The following ANKRD30A variants were observed in gnomAD, a reference collection of about 807,000 sequenced individuals.
The protein encoded by ANKRD30A is ankyrin repeat domain-containing protein 30A.
ANKRD30A carries 170 observed loss-of-function variants against 166.3 expected under a neutral mutation model. The observed-to-expected ratio is 1.02, with a 90% CI of 0.90 to 1.16. ANKRD30A has a LOEUF of 1.16. Ranked by LOEUF, ANKRD30A falls within the 50% of genes most tolerant of loss-of-function variation. The pLI is 0.00. For missense variants in ANKRD30A, 1,630 were observed against 1,518.0 expected (o/e 1.07, Z -1.23); for synonymous variants, 564 against 508.9 (o/e 1.11, Z -1.46).
chr10:37,190,772 C>A (rs1167453154), intron 25 of ANKRD30A, among the ~76,000 whole-genome samples: 1 of 151,586 alleles, frequency 6.6e-6, no homozygotes, highest in Non-Finnish European at 1.5e-5. Context: ...TTGGACTAAA[C>A]CTCAGTGACT....
Position 37,196,093 on chromosome 10 carries a change from A to ATTTTTTTTTTT in ANKRD30A, c.2615-1179_2615-1169dup, listed in dbSNP as rs749036981. 9.3e-5 allele frequency among the ~76,000 whole-genome samples: 12 copies of ATTTTTTTTTTT among 129,448 alleles called. 1 individual carries two copies. Among genetic ancestry groups the ATTTTTTTTTTT allele is most frequent in the Non-Finnish European group, 1.4e-4 (9 of 62,500 alleles). The allele number at this position is 129,448 out of a possible 152,430, so 84.9% of individuals were successfully genotyped here. On this transcript the variant is annotated intron_variant, in intron 27 of 35. Coordinates refer to ENST00000361713, the MANE Select transcript of ANKRD30A (RefSeq NM_052997.3). Reference sequence around the variant, plus strand: ...AGTTAGAGGTTTTTTTATATTTTCTATTTTTTTTTTTTTTTTTTTGTAGTA... The same window carrying ATTTTTTTTTTT: ...AGTTAGAGGTTTTTTTATATTTTCTATTTTTTTTTTTTTTTTTTTTTTTTTTTTTTGTAGTA...
At chr10:37,233,737 C>A (rs1843549587), downstream of ANKRD30A, among the ~76,000 whole-genome samples, 1 of 152,022 alleles carries the variant, frequency 6.6e-6, no homozygotes, top group Non-Finnish European at 1.5e-5. Context: ...AAAGAAGATG[C>A]CTACTAGAGT....
At chr10:37,137,223 A>C (rs190410222) in intron 6 of ANKRD30A, among the ~76,000 whole-genome samples, 118 of 152,324 alleles carry the variant, frequency 7.7e-4, no homozygotes, top group Non-Finnish European at 2.5e-4. Context: ...CTAATCATGA[A>C]AAGTAGGAAT....
downstream of ANKRD30A, among the ~76,000 whole-genome samples, chr10:37,234,877 GTTGTGCCACATGGTGGAACT>G (rs1317351138): frequency 2.0e-5 from 3 of 152,028 alleles, no homozygotes; most frequent in Non-Finnish European, 4.4e-5. Flanking sequence ...ATGGTGGAAA[GTTGTGCCACATGGTGGAACT>G]TTGTGTCACA....
intron 29 of ANKRD30A, 116 bp from the exon 30 acceptor site, chr10:37,199,611 T>G (rs1363446087): frequency 5.4e-6 from 3 of 559,908 alleles, no homozygotes; most frequent in African/African-American, 2.0e-5. Context: ...AAAAAGAATA[T>G]ACGGGCTACA....
chr10:37,221,102 C>G (rs1148260), intron 34 of ANKRD30A, among the ~76,000 whole-genome samples: 109,693 of 147,718 alleles, frequency 0.74, 41,239 homozygotes, highest in South Asian at 0.89. Flanking sequence ...GATTCATTAG[C>G]GGACAAATGA....
intron 31 of ANKRD30A, among the ~76,000 whole-genome samples, chr10:37,207,702 A>C (rs1402920572): frequency 6.6e-6 from 1 of 151,930 alleles, no homozygotes; most frequent in Non-Finnish European, 1.5e-5. Flanking sequence ...CATTAGAAAG[A>C]GACTATATCA....
the ANKRD30A span, among the ~76,000 whole-genome samples, chr10:37,244,305 A>G: frequency 1.3e-5 from 2 of 152,180 alleles, no homozygotes; most frequent in African/African-American, 4.8e-5. Context: ...GGTCACTCAC[A>G]CACACATCCA....
At chr10:37,156,364 A>G (rs1838381883) in intron 13 of ANKRD30A, among the ~76,000 whole-genome samples, 1 of 151,974 alleles carries the variant, frequency 6.6e-6, no homozygotes, top group African/African-American at 2.4e-5. Context: ...GTACCCCTTT[A>G]TAAAAATAAA....
the ANKRD30A span, among the ~76,000 whole-genome samples, chr10:37,240,585 C>A: frequency 2.0e-5 from 3 of 152,082 alleles, no homozygotes. Context: ...ACTAGTACTC[C>A]ACCTCTTTGC....
intron 4 of ANKRD30A, 74 bp from the exon 5 acceptor site, chr10:37,133,842 T>A (rs1836516904): frequency 6.5e-7 from 1 of 1,527,560 alleles, no homozygotes; most frequent in African/African-American, 1.4e-5. Context: ...ATGTAAATGG[T>A]TAATTCTACA....
chr10:37,206,100 G>A (rs1841974146), intron 31 of ANKRD30A, among the ~76,000 whole-genome samples: 1 of 152,112 alleles, frequency 6.6e-6, no homozygotes, highest in Admixed American at 6.6e-5. Context: ...AAACTGGTAG[G>A]AAAATTTATT....
intron 5 of ANKRD30A, among the ~76,000 whole-genome samples, chr10:37,134,421 G>A (rs571199232): frequency 6.6e-6 from 1 of 152,204 alleles, no homozygotes; most frequent in South Asian, 2.1e-4. Flanking sequence ...AGGATTGGGG[G>A]CAGAAATCAC....
chr10:37,159,095 A>G (rs754717474), intron 15 of ANKRD30A, among the ~76,000 whole-genome samples: 9 of 152,192 alleles, frequency 5.9e-5, no homozygotes, highest in Non-Finnish European at 1.2e-4. Context: ...TTTGCTAGAC[A>G]TAGTGTTTTA....
chr10:37,129,973 T>A lies in ANKRD30A; in HGVS notation c.302T>A (p.Val101Asp). Reference protein sequence around the residue: ...FLVDRKCQLDVLDGEHRTPLM... With the variant: ...FLVDRKCQLDDLDGEHRTPLM... Reference sequence around the variant, plus strand: ...GTAGACAGAAAGTGCCAGCTTGACGTCCTTGATGGCGAACACAGGACACCT... The same window carrying A: ...GTAGACAGAAAGTGCCAGCTTGACGACCTTGATGGCGAACACAGGACACCT... The change falls in exon 2 of 36, where the codon GTC becomes GAC. Residue 101 changes from valine (V) to aspartate (D), a missense_variant. Val to Asp is a radical substitution (Grantham distance 152, BLOSUM62 -3). This residue lies in a region of ANKRD30A where 904 missense variants were observed against 818.5 expected (regional missense o/e 1.10). Transcript: ENST00000361713. The A allele has an allele frequency of 6.3e-7, 1 of 1,578,274 alleles. No homozygotes were observed. The highest frequency in any genetic ancestry group is 1.7e-5 in the Admixed American group (1 of 57,556).
chr10:37,154,518 T>A (rs539325311), intron 13 of ANKRD30A, among the ~76,000 whole-genome samples: 1 of 152,190 alleles, frequency 6.6e-6, no homozygotes, highest in East Asian at 1.9e-4. Context: ...TTCTCAATTT[T>A]GAGGATGTTT....
chr10:37,155,382 G>A (rs926681878), intron 13 of ANKRD30A, among the ~76,000 whole-genome samples: 2 of 152,116 alleles, frequency 1.3e-5, no homozygotes, highest in African/African-American at 4.8e-5. Flanking sequence ...TTTATATTTA[G>A]TATTATGCTT....
intron 33 of ANKRD30A, among the ~76,000 whole-genome samples, chr10:37,218,457 A>G (rs1842712081): frequency 2.0e-5 from 3 of 151,034 alleles, no homozygotes; most frequent in South Asian, 4.2e-4. Context: ...GCTTGTTACA[A>G]TGTCTCAACT....
At chr10:37,178,123 T>G (rs1839878370) in intron 24 of ANKRD30A, among the ~76,000 whole-genome samples, 1 of 151,302 alleles carries the variant, frequency 6.6e-6, no homozygotes, top group African/African-American at 2.4e-5. Flanking sequence ...ATGAAATGAT[T>G]GTTTAGGAAA....
Sources: allele counts gnomAD v4.1 joint callset (sites outside exome capture counted in the v4.1 genomes callset), GRCh38; gene constraint gnomAD v4.1.1; regional missense constraint gnomAD v4.1.1; transcripts MANE v1.5; gene names NCBI Gene and HGNC (gene_info 2026-07-23, HGNC 2026-07-21).